MGAM: variants seen among roughly 807,000 people sequenced by gnomAD.
MGAM encodes maltase-glucoamylase.
Under a neutral mutation model 358.8 loss-of-function variants are expected in MGAM, and 253 were observed. That is an observed-to-expected ratio of 0.71 (90% CI 0.64 to 0.78). The LOEUF (loss-of-function observed/expected upper bound fraction) is 0.78, where lower values mean the gene tolerates loss of function less well. MGAM is among the 30% of genes least tolerant of loss of function. The pLI is 0.00. For synonymous variants in MGAM, 1,105 were observed against 1,227.1 expected, an observed-to-expected ratio of 0.90 and a Z score of 2.08; for missense variants, 3,080 against 3,432.6, an observed-to-expected ratio of 0.90 and a Z score of 2.57.
chr7:142,013,932 T>C (rs191478630), intron 3 of MGAM, among the ~76,000 whole-genome samples: 1 of 152,344 alleles, frequency 6.6e-6, no homozygotes, highest in East Asian at 1.9e-4. Context: ...GTCCCAGAAA[T>C]TCTGATTTAA....
intron 24 of MGAM, 86 bp downstream of exon 24, chr7:142,050,950 T>TG: frequency 6.3e-7 from 1 of 1,582,694 alleles, no homozygotes; most frequent in Non-Finnish European, 8.7e-7. Flanking sequence ...CATGGGTCCC[T>TG]GAAGGACCAG....
chr7:142,097,767 G>A, intron 66 of MGAM, 118 bp downstream of exon 66: 1 of 1,060,974 alleles, frequency 9.4e-7, no homozygotes. Flanking sequence ...TGTGGTCTTA[G>A]AGAAGCCACT....
Position 142,058,284 on chromosome 7 carries a change from A to T in MGAM, c.3775A>T (p.Ile1259Phe). The change falls in exon 31 of 71, where the codon ATC (isoleucine) becomes TTC (phenylalanine). Residue 1259 changes from isoleucine (I) to phenylalanine (F), a missense_variant. Coordinates refer to ENST00000475668, the MANE Select transcript of MGAM (RefSeq NM_001365693.1). ...CTATGGCTACCAGAATGACTCTGAG[A>T]TCGCCAGCTTGTATGATGAGATGGT... is the stretch of plus-strand genomic sequence containing the variant. ...CRYGYQNDSEIASLYDEMVAA... is the reference protein window; with the variant it reads ...CRYGYQNDSEFASLYDEMVAA... 1 of 1,613,926 alleles carries T rather than the reference A, an allele frequency of 6.2e-7. No homozygotes were observed. Among genetic ancestry groups the T allele is most frequent in the African/African-American group, 1.3e-5 (1 of 75,044 alleles).
chr7:142,041,592 C>T (rs986805701), intron 21 of MGAM, among the ~76,000 whole-genome samples: 10 of 151,724 alleles, frequency 6.6e-5, no homozygotes, highest in Non-Finnish European at 1.2e-4. Context: ...GTATTCAAAA[C>T]CAATCACAAC....
At chr7:142,093,284 G>T in intron 59 of MGAM, 128 bp from the exon 60 acceptor site, 1 of 1,247,984 alleles carries the variant, frequency 8.0e-7, no homozygotes, top group South Asian at 1.3e-5. Flanking sequence ...TCATGTCTCT[G>T]GGAAGACGGA....
chr7:142,040,261 T>G, intron 20 of MGAM, 90 bp downstream of exon 20: 1 of 1,059,498 alleles, frequency 9.4e-7, no homozygotes, highest in South Asian at 1.4e-5. Context: ...AACATCCATC[T>G]ACATGCTGAG....
Position 142,083,307 on chromosome 7 carries a change from C to T in MGAM, c.6275C>T (p.Thr2092Met), listed in dbSNP as rs760121018. 5.2e-6 allele frequency: 8 copies of T among 1,548,580 alleles called. 1 individual carries two copies. Among genetic ancestry groups the T allele is most frequent in the East Asian group, 4.6e-5 (2 of 43,838 alleles). ...CATTTTTCTTCATTTTCAGATGTGA[C>T]GTTCCAGCCCCTGCCTGCCTTGACA... ...LLLNSNAMDVTFQPLPALTYR... is the reference protein window; with the variant it reads ...LLLNSNAMDVMFQPLPALTYR... Residue 2092 changes from threonine to methionine, a missense_variant, in exon 53 of 71, where the codon ACG becomes ATG. Transcript: ENST00000475668.
Position 142,099,710 on chromosome 7 carries a change from A to G in MGAM, c.7847A>G (p.Gln2616Arg). Residue 2616 changes from glutamine to arginine, a missense_variant, in exon 67 of 71, where the codon CAA becomes CGA. Coordinates refer to ENST00000475668, the MANE Select transcript of MGAM (RefSeq NM_001365693.1). ...CGTGGGGGCTACATCCTGCCCTGGC[A>G]AGAGCCTGCACTGAACACCCACTTA... The part of the protein sequence containing the change: ...HVRGGYILPW[Q>R]EPALNTHLSR... The G allele has an allele frequency of 6.2e-7, 1 of 1,614,012 alleles. No individual in the cohort carries two copies. The highest frequency in any genetic ancestry group is 1.1e-5 in the South Asian group (1 of 91,078).
rs1808371520 is a variant in MGAM at position 142,040,155 on chromosome 7, G to A, written c.2357G>A (p.Trp786Ter). 2 of 1,611,986 alleles carry A rather than the reference G, an allele frequency of 1.2e-6. No individual in the cohort carries two copies. The highest frequency in any genetic ancestry group is 1.7e-5 in the Admixed American group (1 of 59,882). Residue 786 changes from tryptophan to a stop codon, truncating the protein, a stop_gained, in exon 20 of 71, where the codon TGG becomes TAG. Transcript: ENST00000475668. LOFTEE classifies it high-confidence loss of function. The part of the protein sequence containing the change: ...KVMAYVPDAV[W>*]YDYETGSQVR... ...ATGGCATATGTGCCTGATGCTGTCT[G>A]GTATGACTACGAGACTGTAAGTAGC...
Position 142,050,694 on chromosome 7 carries a change from C to T in MGAM, c.2638-3C>T, listed in dbSNP as rs1184210805. The T allele has an allele frequency of 3.7e-6, 6 of 1,612,206 alleles. No homozygotes were observed. Among genetic ancestry groups the T allele is most frequent in the African/African-American group, 1.3e-5 (1 of 74,854 alleles). ...TGCATACTTGGACTTAATTGTTTTG[C>T]AGAACCGCTTGGAGGTGAATATTTC... On this transcript the variant is annotated splice_polypyrimidine_tract_variant and splice_region_variant and intron_variant, in intron 23 of 70. Coordinates refer to ENST00000475668, the MANE Select transcript of MGAM (RefSeq NM_001365693.1).
In MGAM at chr7:142,059,455, C is replaced by T. The variant is rs764960771; in HGVS notation, c.3820-17C>T. 1.9e-5 allele frequency: 31 copies of T among 1,602,876 alleles called. No homozygotes were observed. The highest frequency in any genetic ancestry group is 2.5e-5 in the Non-Finnish European group (29 of 1,173,022). On this transcript the variant is annotated splice_polypyrimidine_tract_variant and intron_variant, in intron 31 of 70. Transcript: ENST00000475668. The stretch of plus-strand genomic sequence containing the variant: ...GTGTACAGCAGCAGCCTCTCAGCTC[C>T]CCATGTCCTCCCGCAGGATGTGCAG...
rs1193844626 is a variant in MGAM, at chr7:142,050,592, T to C, written c.2638-105T>C. The C allele has an allele frequency of 1.3e-4, 151 of 1,184,766 alleles. 3 individuals carry two copies. In the South Asian group the frequency reaches 2.0e-3, roughly 15 times the overall value. 73.4% of individuals were successfully genotyped at this position (1,184,766 alleles called of 1,614,324 possible). A position where few individuals can be genotyped will look rare whatever the true frequency, so the allele number is the denominator to read the frequency against. On this transcript the variant is annotated intron_variant, in intron 23 of 70. Transcript: ENST00000475668. ...CTAGTAGAGAAAGCAGAGAGGCATT[T>C]ATGGCAGTGGGGGGTATCCGGTCTG...
intron 64 of MGAM, 91 bp downstream of exon 64, chr7:142,095,804 T>C (rs1259415469): frequency 6.4e-7 from 1 of 1,555,310 alleles, no homozygotes; most frequent in East Asian, 2.2e-5. Flanking sequence ...AAAGACATGA[T>C]TGCCTTTTGA....
intron 1 of MGAM, among the ~76,000 whole-genome samples, chr7:142,000,900 G>A (rs1341130421): frequency 1.3e-5 from 2 of 152,148 alleles, no homozygotes; most frequent in African/African-American, 4.8e-5. Flanking sequence ...AACATAGTGT[G>A]TTAATAAACA....
At chr7:142,054,582 G>GA (rs1457515176) in intron 26 of MGAM, among the ~76,000 whole-genome samples, 172 bp from the exon 27 acceptor site, 8 of 152,044 alleles carry the variant, frequency 5.3e-5, no homozygotes, top group African/African-American at 1.9e-4. Context: ...AGAAATCACA[G>GA]AAAAATGTTA....
chr7:142,074,051 C>G (rs543381269), intron 44 of MGAM, 34 bp from the exon 45 acceptor site: 5 of 1,425,428 alleles, frequency 3.5e-6, no homozygotes, highest in Admixed American at 3.5e-5. Context: ...TTGTCTGACT[C>G]CTGTCTTTGT....
chr7:142,051,879 G>T (rs1164163156), intron 24 of MGAM, among the ~76,000 whole-genome samples: 1 of 152,114 alleles, frequency 6.6e-6, no homozygotes, highest in Non-Finnish European at 1.5e-5. Context: ...CAGGTCATAT[G>T]ATTCTTATTG....
chr7:142,036,252 G>A lies in MGAM; in HGVS notation c.2043G>A (p.Pro681=), dbSNP rs114296423. The change falls in exon 17 of 71, where the codon CCG becomes CCA. Residue 681 remains proline, a synonymous_variant. Coordinates refer to ENST00000475668, the MANE Select transcript of MGAM (RefSeq NM_001365693.1). The part of the protein sequence containing the change: ...RRWMQLGAFY[P]FSRNHNGQGY... ...GGATGCAGTTGGGTGCATTTTATCC[G>A]TTTTCTAGAAATCACAATGGCCAAG... is the stretch of plus-strand genomic sequence containing the variant. The A allele has an allele frequency of 2.8e-4, 454 of 1,610,256 alleles. 1 individual carries two copies. In the African/African-American group the frequency reaches 3.5e-3, roughly 12 times the overall value.
upstream of MGAM, among the ~76,000 whole-genome samples, chr7:141,995,542 C>T (rs1482051207): frequency 6.6e-6 from 1 of 152,146 alleles, no homozygotes; most frequent in Non-Finnish European, 1.5e-5. Flanking sequence ...GACCAGGGCT[C>T]TTTTGGAATA....
Sources: allele counts gnomAD v4.1 joint callset (sites outside exome capture counted in the v4.1 genomes callset), GRCh38; gene constraint gnomAD v4.1.1; transcripts MANE v1.5; gene names NCBI Gene and HGNC (gene_info 2026-07-23, HGNC 2026-07-21).